Variants in ATF6 observed in about 807,000 individuals in gnomAD.
The protein encoded by ATF6 is cyclic AMP-dependent transcription factor ATF-6 alpha.
In ATF6, 53 loss-of-function variants were observed where a neutral mutation model predicts 83.6. That is an observed-to-expected ratio of 0.63 (90% CI 0.51 to 0.80). The LOEUF (loss-of-function observed/expected upper bound fraction) is 0.80. Ranked by LOEUF, ATF6 falls within the 30% of genes least tolerant of loss-of-function variation. The pLI, the probability that ATF6 is intolerant of heterozygous loss-of-function variation, is 0.00. For synonymous variants in ATF6, 288 were observed against 285.8 expected, an observed-to-expected ratio of 1.01 and a Z score of -0.08; for missense variants, 744 against 797.9, an observed-to-expected ratio of 0.93 and a Z score of 0.81.
rs200261365 is a variant in ATF6 at position 161,821,187 on chromosome 1, A to T, written c.1187+26A>T. Reference sequence around the variant, plus strand: ...GTAAGTGAATAGATATTTATTTTGGACACTAATGCTAAAAACTTAAATTCT... The same window carrying T: ...GTAAGTGAATAGATATTTATTTTGGTCACTAATGCTAAAAACTTAAATTCT... On this transcript the variant is annotated intron_variant, in intron 9 of 15. Transcript: ENST00000367942. The T allele has an allele frequency of 5.5e-6, 8 of 1,456,704 alleles. No homozygotes were observed. The East Asian group carries it at 1.8e-4, about 34-fold the overall frequency. The allele number at this position is 1,456,704 out of a possible 1,614,324, so 90.2% of individuals were successfully genotyped here.
At chr1:161,808,115 A>G (rs1685348791) in intron 7 of ATF6, among the ~76,000 whole-genome samples, 1 of 151,850 alleles carries the variant, frequency 6.6e-6, no homozygotes, top group African/African-American at 2.4e-5. Flanking sequence ...CCTGGCCTCA[A>G]GTGATCCACC....
At chr1:161,839,272 T>G (rs1380988832) in intron 9 of ATF6, among the ~76,000 whole-genome samples, 1 of 152,160 alleles carries the variant, frequency 6.6e-6, no homozygotes, top group Non-Finnish European at 1.5e-5. Flanking sequence ...AATGAGAAAA[T>G]TATAAATTCT....
At chr1:161,892,553 G>A (rs1478982658) in intron 14 of ATF6, among the ~76,000 whole-genome samples, 3 of 150,746 alleles carry the variant, frequency 2.0e-5, no homozygotes, top group Non-Finnish European at 4.4e-5. Flanking sequence ...GATTTTCATT[G>A]CCCTTTCTTT....
At chr1:161,931,438 C>T (rs1440446466) in intron 15 of ATF6, among the ~76,000 whole-genome samples, 3 of 152,136 alleles carry the variant, frequency 2.0e-5, no homozygotes, top group Non-Finnish European at 2.9e-5. Flanking sequence ...TATATTTAAA[C>T]CTTGCAAGCC....
intron 15 of ATF6, among the ~76,000 whole-genome samples, chr1:161,917,320 A>C (rs1478289643): frequency 6.6e-6 from 1 of 152,240 alleles, no homozygotes; most frequent in Non-Finnish European, 1.5e-5. Flanking sequence ...GCATATACAT[A>C]AGGAGATATC....
intron 15 of ATF6, among the ~76,000 whole-genome samples, chr1:161,950,214 T>C (rs1312617241): frequency 6.6e-6 from 1 of 152,242 alleles, no homozygotes; most frequent in Non-Finnish European, 1.5e-5. Flanking sequence ...ATTCCTCTTA[T>C]CCTTTAAAGT....
At chr1:161,829,418 T>A (rs1037770825) in intron 9 of ATF6, among the ~76,000 whole-genome samples, 7 of 151,946 alleles carry the variant, frequency 4.6e-5, no homozygotes, top group African/African-American at 1.7e-4. Flanking sequence ...CTAATATACA[T>A]CTACAGAACT....
At chr1:161,864,046 G>A (rs1378485464) in intron 14 of ATF6, among the ~76,000 whole-genome samples, 2 of 152,126 alleles carry the variant, frequency 1.3e-5, no homozygotes, top group Non-Finnish European at 2.9e-5. Context: ...CCTCAGTGGT[G>A]GTTTCTATCC....
chr1:161,940,734 G>GT (rs551535128), intron 15 of ATF6, among the ~76,000 whole-genome samples: 38 of 150,066 alleles, frequency 2.5e-4, no homozygotes, highest in South Asian at 4.2e-4. Context: ...AATTTTTTTT[G>GT]TTTTTTTTTA....
intron 7 of ATF6, among the ~76,000 whole-genome samples, chr1:161,803,028 A>G (rs976000620): frequency 6.6e-6 from 1 of 152,246 alleles, no homozygotes; most frequent in African/African-American, 2.4e-5. Context: ...TAAAGTTACG[A>G]TTGGGAAAGC....
At chr1:161,952,727 A>T (rs933497182) in intron 15 of ATF6, among the ~76,000 whole-genome samples, 1 of 152,204 alleles carries the variant, frequency 6.6e-6, no homozygotes, top group Admixed American at 6.5e-5. Context: ...AACAAGTCAG[A>T]CGCTTGCACT....
At chr1:161,796,502 A>G (rs908435191) in intron 6 of ATF6, among the ~76,000 whole-genome samples, 1 of 152,184 alleles carries the variant, frequency 6.6e-6, no homozygotes, top group Non-Finnish European at 1.5e-5. Context: ...CATTTTGCAA[A>G]GCATCTGCAA....
At chr1:161,839,021 T>C (rs1439629990) in intron 9 of ATF6, among the ~76,000 whole-genome samples, 3 of 152,156 alleles carry the variant, frequency 2.0e-5, no homozygotes, top group Admixed American at 2.0e-4. Flanking sequence ...CTCAGTTGCA[T>C]TGAAAGTTAA....
intron 1 of ATF6, among the ~76,000 whole-genome samples, chr1:161,777,281 C>A (rs1684537867): frequency 6.6e-6 from 1 of 152,180 alleles, no homozygotes; most frequent in Non-Finnish European, 1.5e-5. Context: ...TGTTTCTTGG[C>A]TCTGCACCTG....
intron 9 of ATF6, among the ~76,000 whole-genome samples, chr1:161,842,246 G>C (rs1366987852): frequency 6.6e-6 from 1 of 152,122 alleles, no homozygotes; most frequent in Non-Finnish European, 1.5e-5. Context: ...TAGAATAATG[G>C]TTCTCAAACA....
chr1:161,836,558 G>A (rs949763578), intron 9 of ATF6, among the ~76,000 whole-genome samples: 10 of 152,154 alleles, frequency 6.6e-5, no homozygotes, highest in East Asian at 1.9e-4. Context: ...TAGTCTTAAC[G>A]TATTCATGTT....
intron 15 of ATF6, among the ~76,000 whole-genome samples, chr1:161,921,349 C>G (rs1245276027): frequency 1.3e-5 from 2 of 151,924 alleles, no homozygotes; most frequent in African/African-American, 4.8e-5. Flanking sequence ...ACAATGAAGA[C>G]TCTATTAAGA....
At chr1:161,816,757 C>A (rs1685622711) in intron 7 of ATF6, among the ~76,000 whole-genome samples, 1 of 152,166 alleles carries the variant, frequency 6.6e-6, no homozygotes, top group Admixed American at 6.5e-5. Flanking sequence ...AACAGAATTA[C>A]ATACAGTGTA....
intron 3 of ATF6, among the ~76,000 whole-genome samples, chr1:161,782,729 T>C (rs1413929034): frequency 2.0e-5 from 3 of 152,234 alleles, no homozygotes; most frequent in East Asian, 1.9e-4. Context: ...TATTTACTTA[T>C]ACTGTTTCAT....
Sources: gnomAD v4.1 joint callset for allele counts (sites outside exome capture counted in the v4.1 genomes callset) on GRCh38, gnomAD v4.1.1 for gene constraint, MANE v1.5 for transcripts, NCBI Gene and HGNC (gene_info 2026-07-23, HGNC 2026-07-21) for gene names.